Variants in TRPM3 observed in about 807,000 individuals in gnomAD.
TRPM3 encodes long transient receptor potential channel 3.
In TRPM3, 77 loss-of-function variants were observed where a neutral mutation model predicts 181.2. The observed-to-expected ratio is 0.42, with a 90% CI of 0.35 to 0.51. The LOEUF is 0.51. TRPM3 is among the 20% of genes least tolerant of loss of function. TRPM3 has a pLI of 0.01. For missense variants in TRPM3, 1,759 were observed against 2,196.7 expected (o/e 0.80, Z 3.98); for synonymous variants, 745 against 796.4 (o/e 0.94, Z 1.09).
chr9:71,017,435 C>T (rs1300035741), intron 1 of TRPM3, among the ~76,000 whole-genome samples: 1 of 151,648 alleles, frequency 6.6e-6, no homozygotes, highest in South Asian at 2.1e-4. Flanking sequence ...ACTAAAAATT[C>T]CCCACAAAAC....
At chr9:70,897,917 T>C (rs987844529) in intron 1 of TRPM3, among the ~76,000 whole-genome samples, 4 of 150,576 alleles carry the variant, frequency 2.7e-5, no homozygotes, top group African/African-American at 7.3e-5. Context: ...GTGTAGGGAG[T>C]TGTTATTAAA....
chr9:70,769,433 G>A (rs1314435889), intron 7 of TRPM3, among the ~76,000 whole-genome samples: 1 of 151,978 alleles, frequency 6.6e-6, no homozygotes, highest in African/African-American at 2.4e-5. Flanking sequence ...GAATCAGGGG[G>A]TACACATGGA....
intron 6 of TRPM3, among the ~76,000 whole-genome samples, chr9:70,805,611 A>G (rs1199475744): frequency 6.7e-6 from 1 of 149,662 alleles, no homozygotes; most frequent in Non-Finnish European, 1.5e-5. Context: ...AATTGGGTTT[A>G]TTTGAATAAA....
At chr9:71,202,593 C>A (rs1193155080) in intron 1 of TRPM3, among the ~76,000 whole-genome samples, 1 of 152,156 alleles carries the variant, frequency 6.6e-6, no homozygotes, top group Non-Finnish European at 1.5e-5. Context: ...GTGGCAGGTA[C>A]ACAAAACCTC....
intron 8 of TRPM3, among the ~76,000 whole-genome samples, chr9:70,744,342 G>C (rs1353803888): frequency 7.4e-6 from 1 of 134,960 alleles, no homozygotes; most frequent in African/African-American, 2.7e-5. Flanking sequence ...AAAAAAAAAA[G>C]TAAAAAGAAA....
intron 1 of TRPM3, among the ~76,000 whole-genome samples, chr9:70,904,436 T>C (rs1209624145): frequency 1.3e-5 from 2 of 152,206 alleles, no homozygotes; most frequent in African/African-American, 2.4e-5. Context: ...CACCAATAAG[T>C]ACATTAATGT....
intron 6 of TRPM3, among the ~76,000 whole-genome samples, chr9:70,818,414 C>T (rs538598494): frequency 1.2e-4 from 18 of 152,194 alleles, no homozygotes; most frequent in Non-Finnish European, 2.5e-4. Context: ...GCAATGCCCT[C>T]GAGTTAGAAG....
At chr9:71,431,694 T>A (rs1477582222) in intron 1 of TRPM3, among the ~76,000 whole-genome samples, 1 of 152,202 alleles carries the variant, frequency 6.6e-6, no homozygotes, top group Non-Finnish European at 1.5e-5. Flanking sequence ...TTGGTTAAAA[T>A]AGACTTCACT....
intron 1 of TRPM3, among the ~76,000 whole-genome samples, chr9:71,079,019 A>T (rs1211103799): frequency 1.3e-5 from 2 of 150,152 alleles, no homozygotes; most frequent in African/African-American, 4.9e-5. Context: ...AATGAGCACT[A>T]TTTTTTTTTT....
intron 1 of TRPM3, among the ~76,000 whole-genome samples, chr9:70,958,033 T>C (rs1373037037): frequency 6.6e-6 from 1 of 152,230 alleles, no homozygotes; most frequent in East Asian, 1.9e-4. Context: ...ACATGGAACC[T>C]TGCAACTTTG....
chr9:71,124,727 A>G (rs2073928536), upstream of TRPM3, among the ~76,000 whole-genome samples: 1 of 152,154 alleles, frequency 6.6e-6, no homozygotes, highest in Non-Finnish European at 1.5e-5. Context: ...TTCAAAAGTC[A>G]TAGCACCCTC....
chr9:71,010,945 AC>A (rs1314374463), intron 1 of TRPM3, among the ~76,000 whole-genome samples: 2 of 151,746 alleles, frequency 1.3e-5, no homozygotes, highest in Non-Finnish European at 2.9e-5. Context: ...ACACACACAC[AC>A]ACACACACAC....
intron 1 of TRPM3, among the ~76,000 whole-genome samples, chr9:70,918,048 C>T (rs966941393): frequency 1.3e-5 from 2 of 151,934 alleles, no homozygotes; most frequent in Admixed American, 1.3e-4. Flanking sequence ...TAAGAAGAGA[C>T]AAAGTAGGTA....
intron 1 of TRPM3, among the ~76,000 whole-genome samples, chr9:71,220,881 C>T (rs762840416): frequency 1.3e-5 from 2 of 152,162 alleles, no homozygotes; most frequent in African/African-American, 2.4e-5. Context: ...TCCCACAGCA[C>T]TCACTTTGCT....
chr9:70,620,054 C>A (rs3812533), intron 16 of TRPM3, 22 bp downstream of exon 16: 154,626 of 1,587,200 alleles, frequency 0.097, 8,341 homozygotes, highest in East Asian at 0.24. Context: ...CCTGACCAGC[C>A]CATTTTGCTG....
At position 71,403,841 on chromosome 9, in the gene TRPM3, C is replaced by A. The variant is rs942676156; in HGVS notation, c.183+42812G>T. On this transcript the variant is annotated intron_variant, in intron 1 of 24. Transcript: ENST00000357533. ...ACCTCAGAGACTGCTGCAAGATAAA[C>A]AACATGGGCATCTTAAAAGGAGAAT... is the stretch of plus-strand genomic sequence containing the variant. 1.6e-4 allele frequency among the ~76,000 whole-genome samples: 24 copies of A among 152,182 alleles called. 1 individual carries two copies. Among genetic ancestry groups the A allele is most frequent in the African/African-American group, 5.8e-4 (24 of 41,508 alleles).
At chr9:70,799,049 T>C (rs1041540539) in intron 6 of TRPM3, among the ~76,000 whole-genome samples, 3 of 152,204 alleles carry the variant, frequency 2.0e-5, no homozygotes, top group Non-Finnish European at 4.4e-5. Context: ...TTTCTCAGAA[T>C]TGAACCCAGC....
At chr9:70,759,508 A>G (rs985668194) in intron 8 of TRPM3, among the ~76,000 whole-genome samples, 1 of 152,264 alleles carries the variant, frequency 6.6e-6, no homozygotes, top group Non-Finnish European at 1.5e-5. Context: ...ATTATAAATC[A>G]TTCTACTATA....
intron 1 of TRPM3, among the ~76,000 whole-genome samples, chr9:71,199,731 A>ATTTT (rs542581530): frequency 0.17 from 24,624 of 149,186 alleles, 2,101 homozygotes; most frequent in South Asian, 0.23. Context: ...CCCCTTTATC[A>ATTTT]TTTTTTTTGC....
Sources: gnomAD v4.1 joint callset for allele counts (sites outside exome capture counted in the v4.1 genomes callset) on GRCh38, gnomAD v4.1.1 for gene constraint, MANE v1.5 for transcripts, NCBI Gene and HGNC (gene_info 2026-07-23, HGNC 2026-07-21) for gene names.